Variants in TRAPPC9 observed in about 807,000 individuals in gnomAD.
TRAPPC9 encodes IKK2 binding protein.
A neutral mutation model predicts 124.0 loss-of-function variants in TRAPPC9; 83 were observed. The observed-to-expected ratio is 0.67, with a 90% CI of 0.56 to 0.80. The LOEUF is 0.80. Ranked by LOEUF, TRAPPC9 falls within the 30% of genes least tolerant of loss-of-function variation. The pLI is 0.00. For synonymous variants in TRAPPC9, 638 were observed against 617.5 expected (o/e 1.03, Z -0.49); for missense variants, 1,302 against 1,508.3 (o/e 0.86, Z 2.27).
chr8:140,027,409 CTTGT>C (rs1218840783), intron 17 of TRAPPC9, among the ~76,000 whole-genome samples: 3 of 152,118 alleles, frequency 2.0e-5, no homozygotes, highest in Non-Finnish European at 4.4e-5. Context: ...ACACTGGCTT[CTTGT>C]TTGTTTTTTT....
At chr8:140,116,837 G>A (rs79556765) in intron 17 of TRAPPC9, among the ~76,000 whole-genome samples, 3 of 148,922 alleles carry the variant, frequency 2.0e-5, no homozygotes, top group Non-Finnish European at 4.5e-5. Context: ...GGAGTTCAGT[G>A]AGTAGGCGGA....
At chr8:139,811,054 A>G (rs1269178476) in intron 21 of TRAPPC9, among the ~76,000 whole-genome samples, 1 of 152,248 alleles carries the variant, frequency 6.6e-6, no homozygotes, top group Non-Finnish European at 1.5e-5. Context: ...GACAAAGAGG[A>G]AGGCAGAAAC....
chr8:140,178,063 ATAG>A (rs1204950971), intron 17 of TRAPPC9, among the ~76,000 whole-genome samples: 1 of 152,126 alleles, frequency 6.6e-6, no homozygotes, highest in Non-Finnish European at 1.5e-5. Flanking sequence ...TTCTACATGC[ATAG>A]TAATGTTTTC....
chr8:139,988,245 T>C (rs1029601062), intron 19 of TRAPPC9, among the ~76,000 whole-genome samples: 1 of 151,700 alleles, frequency 6.6e-6, no homozygotes, highest in South Asian at 2.1e-4. Flanking sequence ...CCCGAGTAGC[T>C]GGGATAACAG....
At chr8:139,994,699 G>C (rs928641918) in intron 18 of TRAPPC9, among the ~76,000 whole-genome samples, 8 of 152,144 alleles carry the variant, frequency 5.3e-5, no homozygotes, top group African/African-American at 1.7e-4. Context: ...CTTCAGATCT[G>C]ATGGTAAACA....
At chr8:140,130,653 G>A (rs2061191183) in intron 17 of TRAPPC9, among the ~76,000 whole-genome samples, 1 of 152,174 alleles carries the variant, frequency 6.6e-6, no homozygotes, top group Non-Finnish European at 1.5e-5. Flanking sequence ...TGGCAAATGT[G>A]AACAGGGTCT....
chr8:140,136,603 C>T (rs188535624), intron 17 of TRAPPC9, among the ~76,000 whole-genome samples: 1 of 152,102 alleles, frequency 6.6e-6, no homozygotes, highest in East Asian at 1.9e-4. Context: ...TTTGGGAGGC[C>T]GAGGCTGGTG....
intron 17 of TRAPPC9, among the ~76,000 whole-genome samples, chr8:140,074,975 G>A (rs1278799786): frequency 6.6e-6 from 1 of 152,128 alleles, no homozygotes; most frequent in African/African-American, 2.4e-5. Context: ...GAGGGGACTG[G>A]AACCCAGAAA....
intron 9 of TRAPPC9, among the ~76,000 whole-genome samples, chr8:140,319,549 C>T (rs2066537509): frequency 6.6e-6 from 1 of 152,008 alleles, no homozygotes; most frequent in Admixed American, 6.6e-5. Context: ...GATCTGCAAC[C>T]TCCACCTCCC....
At chr8:140,442,416 G>A (rs772141980) in intron 2 of TRAPPC9, among the ~76,000 whole-genome samples, 1 of 151,778 alleles carries the variant, frequency 6.6e-6, no homozygotes, top group African/African-American at 2.4e-5. Context: ...TGGCTAACAC[G>A]GCAAAACCCC....
intron 21 of TRAPPC9, among the ~76,000 whole-genome samples, chr8:139,885,059 G>A (rs1362163076): frequency 6.6e-6 from 1 of 152,212 alleles, no homozygotes; most frequent in Non-Finnish European, 1.5e-5. Context: ...GGATCAAAGA[G>A]GAGCTACTCA....
intron 12 of TRAPPC9, among the ~76,000 whole-genome samples, chr8:140,289,122 G>A (rs2065573542): frequency 6.6e-6 from 1 of 152,036 alleles, no homozygotes; most frequent in Non-Finnish European, 1.5e-5. Context: ...GCAGACGCAG[G>A]GGTATACACA....
In TRAPPC9 at chr8:140,300,480, T is replaced by C; in HGVS notation, c.1757A>G (p.Asn586Ser). ...IIAHNRGEER[N>S]KKIDFQWVQG... ...GATCGACGTCCTACCTATTTTCTTG[T>C]TCCGCTCTTCTCCACGGTTGTGTGC... Residue 586 changes from asparagine (N) to serine (S), a missense_variant, in exon 11 of 23, where the codon AAC becomes AGC. Transcript: ENST00000438773. 1.9e-6 allele frequency: 3 copies of C among 1,614,216 alleles called. No individual in the cohort carries two copies. Among genetic ancestry groups the C allele is most frequent in the Non-Finnish European group, 2.5e-6 (3 of 1,180,024 alleles).
chr8:140,050,598 G>A (rs992946842), intron 17 of TRAPPC9, among the ~76,000 whole-genome samples: 4 of 152,042 alleles, frequency 2.6e-5, no homozygotes, highest in South Asian at 2.1e-4. Context: ...GTCCCCTGAC[G>A]GAGGCACACG....
intron 9 of TRAPPC9, among the ~76,000 whole-genome samples, chr8:140,346,428 T>G (rs553968782): frequency 6.6e-6 from 1 of 152,214 alleles, no homozygotes; most frequent in Admixed American, 6.5e-5. Context: ...TGTCCCTTAT[T>G]ATCCGAACAG....
intron 6 of TRAPPC9, among the ~76,000 whole-genome samples, chr8:140,402,060 G>C (rs942186579): frequency 2.0e-5 from 3 of 151,896 alleles, no homozygotes; most frequent in Non-Finnish European, 4.4e-5. Context: ...TTTTGATGGG[G>C]CTTTCAATAT....
Position 139,971,782 on chromosome 8 carries a change from CATATAT to C in TRAPPC9, c.2810+16938_2810+16943del, listed in dbSNP as rs1491301800. 3.1e-4 allele frequency among the ~76,000 whole-genome samples: 12 copies of C among 39,218 alleles called. 1 individual carries two copies. In the East Asian group the frequency reaches 6.4e-3, roughly 21 times the overall value. 25.7% of individuals were successfully genotyped at this position (39,218 alleles called of 152,430 possible). ...ACACACACATATATATATACACACA[CATATAT>C]ACACATATATATATACATATATATA... On this transcript the variant is annotated intron_variant, in intron 19 of 22. Transcript: ENST00000438773.
chr8:140,127,557 A>T (rs2061121460), intron 17 of TRAPPC9, among the ~76,000 whole-genome samples: 1 of 152,218 alleles, frequency 6.6e-6, no homozygotes. Flanking sequence ...ATATCCACGG[A>T]GCTAAAGAAA....
intron 21 of TRAPPC9, among the ~76,000 whole-genome samples, chr8:139,815,174 G>A (rs934917413): frequency 6.6e-6 from 1 of 152,122 alleles, no homozygotes; most frequent in African/African-American, 2.4e-5. Flanking sequence ...GACTGCAAAA[G>A]GAAGAGAAAA....
Sources: gnomAD v4.1 joint callset for allele counts (sites outside exome capture counted in the v4.1 genomes callset) on GRCh38, gnomAD v4.1.1 for gene constraint, MANE v1.5 for transcripts, NCBI Gene and HGNC (gene_info 2026-07-23, HGNC 2026-07-21) for gene names.